WDR17: variants seen among roughly 807,000 people sequenced by gnomAD.
The protein encoded by WDR17 is WD repeat-containing protein 17.
A neutral mutation model predicts 161.7 loss-of-function variants in WDR17; 143 were observed. That is an observed-to-expected ratio of 0.88 (90% CI 0.77 to 1.02). WDR17 has a LOEUF of 1.02. Among genes scored for constraint, WDR17 ranks in the 50% least tolerant of loss-of-function variants. The probability of loss-of-function intolerance (pLI) is 0.00; values close to 1 mark genes in which losing one functional copy is unlikely to be tolerated. For missense variants in WDR17, 1,469 were observed against 1,520.9 expected, an observed-to-expected ratio of 0.97 and a Z score of 0.57; for synonymous variants, 517 against 515.6, an observed-to-expected ratio of 1.00 and a Z score of -0.04.
At position 176,111,590 on chromosome 4, in the gene WDR17, G is replaced by A. The variant is rs753476374; in HGVS notation, c.10G>A (p.Val4Ile). The A allele has an allele frequency of 1.2e-6, 2 of 1,604,874 alleles. No individual in the cohort carries two copies. Among genetic ancestry groups the A allele is most frequent in the Admixed American group, 3.4e-5 (2 of 58,508 alleles). Residue 4 changes from valine (V) to isoleucine (I), a missense_variant, in exon 2 of 29, where the codon GTA becomes ATA. Transcript: ENST00000508596. Reference sequence around the variant, plus strand: ...GTTTTTCAAGGCAAACATGTCCCAGGTAAGGCAAGTGGGATTGCTGGCTGC... The same window carrying A: ...GTTTTTCAAGGCAAACATGTCCCAGATAAGGCAAGTGGGATTGCTGGCTGC... MSQ[V>I]RQVGLLAAGC...
chr4:176,172,382 T>C lies in WDR17; in HGVS notation c.3110T>C (p.Leu1037Pro), dbSNP rs769228725. ...EINDLHDKCKLPTVEECMQLA... is the reference protein window; with the variant it reads ...EINDLHDKCKPPTVEECMQLA... ...AAATCAATTATTTTCTAGTGTAAGC[T>C]ACCCACAGTGGAAGAATGTATGCAG... Residue 1037 changes from leucine to proline, a missense_variant, in exon 24 of 29, where the codon CTA becomes CCA. Physicochemically the swap from Leu to Pro is moderately conservative, Grantham distance 98 (BLOSUM62 -3). Coordinates refer to ENST00000508596, the MANE Select transcript of WDR17 (RefSeq NM_181265.4). The C allele has an allele frequency of 1.2e-6, 2 of 1,606,380 alleles. No individual in the cohort carries two copies. The highest frequency in any genetic ancestry group is 1.7e-6 in the Non-Finnish European group (2 of 1,178,294).
chr4:176,157,363 A>G (rs1332223694), intron 18 of WDR17, among the ~76,000 whole-genome samples: 2 of 152,240 alleles, frequency 1.3e-5, no homozygotes, highest in East Asian at 1.9e-4. Context: ...GTAAAAATCA[A>G]TCAAAGGCTA....
At chr4:176,127,114 A>T (rs1412957064) in intron 5 of WDR17, among the ~76,000 whole-genome samples, 1 of 152,204 alleles carries the variant, frequency 6.6e-6, no homozygotes, top group Non-Finnish European at 1.5e-5. Flanking sequence ...TTATATGCAA[A>T]TAATATGCCA....
chr4:176,095,704 C>T (rs1736752656), intron 1 of WDR17, among the ~76,000 whole-genome samples: 1 of 151,940 alleles, frequency 6.6e-6, no homozygotes, highest in South Asian at 2.1e-4. Flanking sequence ...TCGCTTCCTA[C>T]CATCCATCCT....
intron 17 of WDR17, among the ~76,000 whole-genome samples, chr4:176,152,294 CAAAAAA>C (rs397837505): frequency 1.4e-5 from 1 of 72,162 alleles, no homozygotes; most frequent in Non-Finnish European, 2.8e-5. Flanking sequence ...GACCCTATCT[CAAAAAA>C]AAAAAAAAAA....
Position 176,177,454 on chromosome 4 carries a change from A to G in WDR17, c.3549-17A>G. 4 of 1,517,688 alleles carry G rather than the reference A, an allele frequency of 2.6e-6. No homozygotes were observed. The highest frequency in any genetic ancestry group is 3.5e-6 in the Non-Finnish European group (4 of 1,137,828). The allele number at this position is 1,517,688 out of a possible 1,614,324, so 94.0% of individuals were successfully genotyped here. A position where few individuals can be genotyped will look rare whatever the true frequency, so the allele number is the denominator to read the frequency against. On this transcript the variant is annotated splice_polypyrimidine_tract_variant and intron_variant, in intron 27 of 28. Coordinates refer to ENST00000508596, the MANE Select transcript of WDR17 (RefSeq NM_181265.4). Reference sequence around the variant, plus strand: ...TGATTCGACAAAATGAAATTTTGATATCTGTTGAAAATATAGATCATTAGA... The same window carrying G: ...TGATTCGACAAAATGAAATTTTGATGTCTGTTGAAAATATAGATCATTAGA...
In WDR17 at chr4:176,162,151, C is replaced by A. The variant is rs146161037; in HGVS notation, c.2827C>A (p.His943Asn). 2 of 1,612,630 alleles carry A rather than the reference C, an allele frequency of 1.2e-6. No individual in the cohort carries two copies. Among genetic ancestry groups the A allele is most frequent in the South Asian group, 2.2e-5 (2 of 90,882 alleles). The change falls in exon 21 of 29, where the codon CAT (histidine) becomes AAT (asparagine). Residue 943 changes from histidine (H) to asparagine (N), a missense_variant. His to Asn is a moderately conservative substitution (Grantham distance 68). Transcript: ENST00000508596. ...TCGAGCAGTACTAGCCGCATGTTGC[C>A]ATCTTGCCATAGATAATATTGAGGT... is the stretch of plus-strand genomic sequence containing the variant. ...DGRAVLAACC[H>N]LAIDNIELAM...
Position 176,174,621 on chromosome 4 carries a change from C to T in WDR17, c.3352C>T (p.Arg1118Ter), listed in dbSNP as rs1561221070. The T allele has an allele frequency of 7.5e-6, 12 of 1,602,884 alleles. No individual in the cohort carries two copies. The highest frequency in any genetic ancestry group is 1.0e-5 in the Non-Finnish European group (12 of 1,174,400). ...KLLLHTCTEA[R>*]NELLILCGYI... ...AATAAATATATTCTCTTTTAGAGCT[C>T]GAAATGAGTTGCTGATATTATGTGG... Residue 1118 changes from arginine to a stop codon, truncating the protein, a stop_gained, in exon 26 of 29, where the codon CGA becomes TGA. Transcript: ENST00000508596. LOFTEE classifies it high-confidence loss of function.
chr4:176,099,933 A>C (rs1382986643), intron 1 of WDR17, among the ~76,000 whole-genome samples: 1 of 152,156 alleles, frequency 6.6e-6, no homozygotes, highest in African/African-American at 2.4e-5. Flanking sequence ...TTAATGGCTG[A>C]ATAGTATTCC....
In WDR17 at chr4:176,077,474, C is replaced by T. The variant is rs545021121; in HGVS notation, c.-7+11395C>T. On this transcript the variant is annotated intron_variant, in intron 1 of 28. Transcript: ENST00000508596. ...CTATGGCACTCTGTAGTTCCTTTCA[C>T]GTAGTACCTATGACACCGATTATAG... Among the ~76,000 whole-genome samples, 17 of 152,152 alleles carry T rather than the reference C, an allele frequency of 1.1e-4. No homozygotes were observed. In the East Asian group the frequency reaches 1.7e-3, roughly 16 times the overall value.
At chr4:176,149,679 G>A in intron 13 of WDR17, 128 bp from the exon 14 acceptor site, 1 of 1,115,276 alleles carries the variant, frequency 9.0e-7, no homozygotes. Context: ...TAGGTTGACT[G>A]AGAACCTTTC....
intron 4 of WDR17, among the ~76,000 whole-genome samples, chr4:176,124,276 G>C (rs956662969): frequency 6.6e-6 from 1 of 152,174 alleles, no homozygotes; most frequent in Non-Finnish European, 1.5e-5. Flanking sequence ...GAGTTCCCAT[G>C]TGGTATCTCA....
At chr4:176,179,268 T>C (rs1278596218) in intron 28 of WDR17, among the ~76,000 whole-genome samples, 192 bp from the exon 29 acceptor site, 1 of 152,226 alleles carries the variant, frequency 6.6e-6, no homozygotes, top group African/African-American at 2.4e-5. Context: ...GACATAATGT[T>C]AAGACATTTG....
chr4:176,100,287 G>A (rs1737609599), intron 1 of WDR17, among the ~76,000 whole-genome samples: 1 of 152,086 alleles, frequency 6.6e-6, no homozygotes, highest in African/African-American at 2.4e-5. Context: ...AGTGGTGGAA[G>A]ATTATATCTC....
chr4:176,089,720 A>G (rs1399255165), intron 1 of WDR17, among the ~76,000 whole-genome samples: 4 of 152,102 alleles, frequency 2.6e-5, no homozygotes, highest in Non-Finnish European at 5.9e-5. Flanking sequence ...TGGCAGATCT[A>G]TGTCTTGTTT....
chr4:176,073,139 A>C (rs550106637), intron 1 of WDR17, among the ~76,000 whole-genome samples: 1 of 152,076 alleles, frequency 6.6e-6, no homozygotes, highest in African/African-American at 2.4e-5. Flanking sequence ...GTTTTAGGGT[A>C]CATGTGCACA....
intron 1 of WDR17, 27 bp from the exon 2 acceptor site, chr4:176,111,547 TG>T: frequency 6.3e-7 from 1 of 1,597,660 alleles, no homozygotes; most frequent in Non-Finnish European, 8.5e-7. Flanking sequence ...TGGAAATCAC[TG>T]ACATTTCTTC....
intron 1 of WDR17, among the ~76,000 whole-genome samples, chr4:176,083,040 G>C (rs1486821732): frequency 1.3e-5 from 2 of 151,964 alleles, no homozygotes; most frequent in East Asian, 1.9e-4. Flanking sequence ...GATTTTCTTA[G>C]AAAACCAAAT....
rs913556355 is a variant in WDR17, at chr4:176,174,706, A to G, written c.3437A>G (p.Tyr1146Cys). 2 of 1,607,662 alleles carry G rather than the reference A, an allele frequency of 1.2e-6. No individual in the cohort carries two copies. The highest frequency in any genetic ancestry group is 1.7e-6 in the Non-Finnish European group (2 of 1,176,092). The change falls in exon 26 of 29, where the codon TAT becomes TGT. Residue 1146 changes from tyrosine (Y) to cysteine (C), a missense_variant. By Grantham distance (194) the Tyr-to-Cys change is radical. Transcript: ENST00000508596. ...RQYQSIVPAL[Y>C]EYTSQLLKRR... is the part of the protein sequence containing the mutation. ...TACCAAAGCATTGTTCCAGCACTTT[A>G]TGAGTACACAAGGTAAAAAAGGTTT...
Sources: allele counts gnomAD v4.1 joint callset (sites outside exome capture counted in the v4.1 genomes callset), GRCh38; gene constraint gnomAD v4.1.1; transcripts MANE v1.5; gene names NCBI Gene and HGNC (gene_info 2026-07-23, HGNC 2026-07-21).